The following FRRS1L variants were observed in gnomAD, a reference collection of about 807,000 sequenced individuals.
FRRS1L encodes DOMON domain-containing protein FRRS1L.
Under a neutral mutation model 28.6 loss-of-function variants are expected in FRRS1L, and 22 were observed. The ratio of observed to expected loss-of-function variants is 0.77; its 90% CI spans 0.55 to 1.10. The LOEUF (loss-of-function observed/expected upper bound fraction) is 1.10. Among genes scored for constraint, FRRS1L ranks in the 50% least tolerant of loss-of-function variants. The probability of loss-of-function intolerance (pLI) is 0.00; values close to 1 mark genes in which losing one functional copy is unlikely to be tolerated. For missense variants in FRRS1L, 380 were observed against 386.9 expected, an observed-to-expected ratio of 0.98 and a Z score of 0.15; for synonymous variants, 158 against 151.4, an observed-to-expected ratio of 1.04 and a Z score of -0.32.
At position 109,131,223 on chromosome 9, in the gene FRRS1L, A is replaced by G. The variant is rs1473936039; in HGVS notation, c.*6232T>C. 1 of 152,240 alleles carries G rather than the reference A, an allele frequency of 6.6e-6. No homozygotes were observed. Among genetic ancestry groups the G allele is most frequent in the African/African-American group, 2.4e-5 (1 of 41,458 alleles). The allele number at this position is 152,240 out of a possible 1,614,324, so 9.4% of individuals were successfully genotyped here. ...ACATGCCAGTTACTCAGCTAACACT[A>G]GTCTTGGTTTCTTAACTAACAGTAT... On this transcript the variant is annotated 3_prime_UTR_variant, in exon 5 of 5. Coordinates refer to ENST00000561981, the MANE Select transcript of FRRS1L (RefSeq NM_014334.4).
chr9:109,148,077 T>C (rs912660604), intron 2 of FRRS1L: 1 of 152,132 alleles, frequency 6.6e-6, no homozygotes, highest in Non-Finnish European at 1.5e-5. Context: ...CAAGCAGTTC[T>C]CCTGCCTCAG....
chr9:109,157,576 A>C (rs144910774), intron 1 of FRRS1L, among the ~76,000 whole-genome samples: 1 of 152,072 alleles, frequency 6.6e-6, no homozygotes, highest in East Asian at 1.9e-4. Flanking sequence ...TTTGTAGGGA[A>C]TATGTTGCCC....
At chr9:109,146,842 G>A (rs1831268105) in intron 3 of FRRS1L, among the ~76,000 whole-genome samples, 1 of 152,188 alleles carries the variant, frequency 6.6e-6, no homozygotes, top group Admixed American at 6.5e-5. Context: ...TGTGGAAACA[G>A]CTGATGAAAA....
intron 3 of FRRS1L, among the ~76,000 whole-genome samples, chr9:109,145,225 G>T (rs903115581): frequency 5.3e-5 from 8 of 152,258 alleles, no homozygotes; most frequent in Non-Finnish European, 8.8e-5. Context: ...GCACAGGGAA[G>T]AGCAGGGGCC....
chr9:109,148,118 G>C (rs944085926), intron 2 of FRRS1L: 3 of 152,030 alleles, frequency 2.0e-5, no homozygotes, highest in Non-Finnish European at 4.4e-5. Context: ...ACAGGCATGG[G>C]TCACCACACC....
At chr9:109,162,609 T>C (rs2118513791) in intron 1 of FRRS1L, among the ~76,000 whole-genome samples, 1 of 152,354 alleles carries the variant, frequency 6.6e-6, no homozygotes, top group South Asian at 2.1e-4. Flanking sequence ...AAGCGGGGCC[T>C]GCTGCGTAGT....
intron 4 of FRRS1L, chr9:109,138,688 G>A (rs1429583019): frequency 6.6e-6 from 1 of 151,854 alleles, no homozygotes; most frequent in East Asian, 1.9e-4. Context: ...ACTCCAGACT[G>A]GGTAACAGAG....
intron 3 of FRRS1L, 21 bp from the exon 4 acceptor site, chr9:109,141,610 G>GAA (rs11421991): frequency 1.4e-3 from 2,033 of 1,480,216 alleles, no homozygotes; most frequent in Middle Eastern, 2.3e-3. Flanking sequence ...AAATGATTGA[G>GAA]AAAAAAAAAA....
intron 3 of FRRS1L, 114 bp downstream of exon 3, chr9:109,146,937 G>T: frequency 1.1e-6 from 1 of 947,080 alleles, no homozygotes; most frequent in Non-Finnish European, 1.6e-6. Flanking sequence ...CAATCAGAGA[G>T]CCATAACTAA....
At chr9:109,146,124 G>C (rs1425606405) in intron 3 of FRRS1L, among the ~76,000 whole-genome samples, 1 of 152,100 alleles carries the variant, frequency 6.6e-6, no homozygotes, top group East Asian at 1.9e-4. Flanking sequence ...TTGAACCTGG[G>C]AGGTGCAGGC....
At chr9:109,143,516 CTTTT>C (rs371939320) in intron 3 of FRRS1L, among the ~76,000 whole-genome samples, 1 of 135,190 alleles carries the variant, frequency 7.4e-6, no homozygotes, top group Admixed American at 7.6e-5. Flanking sequence ...AATAATGCAC[CTTTT>C]TTTTTTTTTT....
intron 1 of FRRS1L, among the ~76,000 whole-genome samples, chr9:109,160,345 C>T (rs1831465728): frequency 6.6e-6 from 1 of 152,196 alleles, no homozygotes; most frequent in South Asian, 2.1e-4. Context: ...ATCCTGAAAC[C>T]TCAGTCCTAA....
At chr9:109,145,475 A>G (rs895660539) in intron 3 of FRRS1L, among the ~76,000 whole-genome samples, 1 of 152,198 alleles carries the variant, frequency 6.6e-6, no homozygotes, top group African/African-American at 2.4e-5. Context: ...GGGTGGGCAG[A>G]TTGCTTGAGG....
chr9:109,152,166 T>TC (rs910002235), intron 1 of FRRS1L: 8 of 151,980 alleles, frequency 5.3e-5, no homozygotes, highest in Non-Finnish European at 8.8e-5. Flanking sequence ...TATTTTTTTT[T>TC]TGAGACAGAG....
At chr9:109,147,385 G>C in intron 2 of FRRS1L, 196 bp from the exon 3 acceptor site, 1 of 554,344 alleles carries the variant, frequency 1.8e-6, no homozygotes, top group African/African-American at 1.9e-5. Flanking sequence ...TTGTACACAA[G>C]AACTGCAGTC....
intron 1 of FRRS1L, chr9:109,150,580 C>CCACCATAATGCATCAAACCATA (rs1831320110): frequency 1.3e-5 from 2 of 152,018 alleles, no homozygotes; most frequent in African/African-American, 4.8e-5. Flanking sequence ...AGATTACTTA[C>CCACCATAATGCATCAAACCATA]CACCATAATG....
chr9:109,159,051 T>G (rs891682466), intron 1 of FRRS1L, among the ~76,000 whole-genome samples: 23 of 152,242 alleles, frequency 1.5e-4, no homozygotes, highest in African/African-American at 5.5e-4. Flanking sequence ...TGGATTTGCA[T>G]TTCCTTAACA....
At chr9:109,164,689 C>T (rs1275609816) in intron 1 of FRRS1L, among the ~76,000 whole-genome samples, 1 of 152,208 alleles carries the variant, frequency 6.6e-6, no homozygotes, top group African/African-American at 2.4e-5. Context: ...AAGCACCACG[C>T]CCGGCCCCAT....
At chr9:109,162,504 G>A (rs1309191677) in intron 1 of FRRS1L, among the ~76,000 whole-genome samples, 1 of 152,136 alleles carries the variant, frequency 6.6e-6, no homozygotes, top group Non-Finnish European at 1.5e-5. Flanking sequence ...AACTTTCTGT[G>A]GGTCAGTTTC....
Sources: allele counts gnomAD v4.1 joint callset (sites outside exome capture counted in the v4.1 genomes callset), GRCh38; gene constraint gnomAD v4.1.1; transcripts MANE v1.5; gene names NCBI Gene and HGNC (gene_info 2026-07-23, HGNC 2026-07-21).